Variants in PLIN4 observed in about 807,000 individuals in gnomAD.
PLIN4 encodes perilipin 4.
In PLIN4, 57 loss-of-function variants were observed where a neutral mutation model predicts 52.4. That is an observed-to-expected ratio of 1.09 (90% CI 0.88 to 1.36). The LOEUF is 1.36. Ranked by LOEUF, PLIN4 falls within the 40% of genes most tolerant of loss-of-function variation. PLIN4 has a pLI of 0.00. For missense variants in PLIN4, 1,757 were observed against 1,770.3 expected, an observed-to-expected ratio of 0.99 and a Z score of 0.13; for synonymous variants, 826 against 785.4, an observed-to-expected ratio of 1.05 and a Z score of -0.86.
rs1392077683 is a variant in PLIN4, at chr19:4,504,511, G to A, written c.4064C>T (p.Pro1355Leu). ...GGGCCCTACCAGCCAGCTGAGCGGG[G>A]GATTGTGCTGTAGGCCCTCCAGCAG... ...EQLLEGLQHN[P>L]PLSWLVGPFA... Residue 1355 changes from proline (P) to leucine (L), a missense_variant, in exon 8 of 8, where the codon CCC becomes CTC. Physicochemically the swap from Pro to Leu is moderately conservative, Grantham distance 98 (BLOSUM62 -3). Coordinates refer to ENST00000301286, the MANE Select transcript of PLIN4 (RefSeq NM_001367868.2). 1.9e-6 allele frequency: 3 copies of A among 1,602,320 alleles called. No homozygotes were observed. The highest frequency in any genetic ancestry group is 1.7e-5 in the Admixed American group (1 of 59,650).
intron 4 of PLIN4, 35 bp from the exon 5 acceptor site, chr19:4,513,736 G>A: frequency 6.5e-7 from 1 of 1,540,096 alleles, no homozygotes; most frequent in East Asian, 2.3e-5. Flanking sequence ...TCAAGAGAAG[G>A]ACTGAGAGGT....
At chr19:4,513,836 A>G (rs746050262) in intron 4 of PLIN4, 135 bp from the exon 5 acceptor site, 17 of 1,159,758 alleles carry the variant, frequency 1.5e-5, no homozygotes, top group Non-Finnish European at 1.9e-5. Flanking sequence ...CTCCTCAAAA[A>G]GCAAGCTGCT....
chr19:4,518,343 A>C, intron 1 of PLIN4, 42 bp downstream of exon 1: 1 of 1,230,954 alleles, frequency 8.1e-7, no homozygotes, highest in Non-Finnish European at 1.0e-6. Context: ...CTCCCATCCC[A>C]CACCCACTCC....
intron 1 of PLIN4, 38 bp from the exon 2 acceptor site, chr19:4,518,327 C>T (rs1976645272): frequency 8.1e-7 from 1 of 1,231,856 alleles, no homozygotes; most frequent in Non-Finnish European, 1.0e-6. Context: ...ATGGGGGTTC[C>T]CTAGCCTCCC....
At position 4,511,462 on chromosome 19, in the gene PLIN4, C is replaced by CCAA. The variant is rs1976336207; in HGVS notation, c.2497_2498insTTG (p.Cys833delinsPheGly). On this transcript the variant is annotated protein_altering_variant, in exon 5 of 8. Transcript: ENST00000301286. ...GTTCGCAGCACCGGTGACCCCACTG[C>CCAA]AGACAGTGTCCTTGGTACCGGTCAG... The CCAA allele has an allele frequency of 7.2e-7, 1 of 1,381,810 alleles. No homozygotes were observed. The highest frequency in any genetic ancestry group is 3.1e-5 in the African/African-American group (1 of 32,124). The allele number at this position is 1,381,810 out of a possible 1,614,324, so 85.6% of individuals were successfully genotyped here.
At position 4,504,709 on chromosome 19, in the gene PLIN4, GAGACC is replaced by G; in HGVS notation, c.3861_3865del (p.Val1288GlnfsTer22). On this transcript the variant is annotated frameshift_variant, in exon 8 of 8. Coordinates refer to ENST00000301286, the MANE Select transcript of PLIN4 (RefSeq NM_001367868.2). LOFTEE classifies it low-confidence loss of function (END_TRUNC). ...CTCGGCGGGCAGGCCCTGGAGGCTG[GAGACC>G]AGGCCACTGTAGGCCGTGTGCAGCT... 6.2e-7 allele frequency: 1 copy of G among 1,601,834 alleles called. No individual in the cohort carries two copies. Among genetic ancestry groups the G allele is most frequent in the South Asian group, 1.1e-5 (1 of 90,382 alleles).
chr19:4,507,582 G>A (rs1976132441), intron 6 of PLIN4, among the ~76,000 whole-genome samples: 1 of 152,098 alleles, frequency 6.6e-6, no homozygotes, highest in Non-Finnish European at 1.5e-5. Flanking sequence ...CCAGCTGCTT[G>A]GGAGGCTGAG....
chr19:4,505,905 T>C (rs1976078354), intron 6 of PLIN4, among the ~76,000 whole-genome samples: 1 of 151,244 alleles, frequency 6.6e-6, no homozygotes, highest in South Asian at 2.1e-4. Context: ...CTGCTCTCCT[T>C]GTCTGCTCAG....
chr19:4,512,657 T>C lies in PLIN4; in HGVS notation c.1303A>G (p.Thr435Ala), dbSNP rs55901236. 834,814 of 1,569,058 alleles carry C rather than the reference T, an allele frequency of 0.53. 260,098 individuals carry two copies. The highest frequency in any genetic ancestry group is 0.69 in the East Asian group (30,913 of 44,602). Residue 435 changes from threonine (T) to alanine (A), a missense_variant, in exon 5 of 8, where the codon ACC (threonine) becomes GCC (alanine). Physicochemically the swap from Thr to Ala is moderately conservative, Grantham distance 58 (BLOSUM62 0). Transcript: ENST00000301286. ...TQNIATGTKD[T>A]VCSGVTGAMN... ...GCACCAGTCACCCCACTGCAGACGG[T>C]GTCCTTTGTACCTGTTGCGATATTT...
In PLIN4 at chr19:4,513,651, C is replaced by T. The variant is rs1391877669; in HGVS notation, c.309G>A (p.Lys103=). Residue 103 remains lysine (K), a synonymous_variant, in exon 5 of 8, where the codon AAG becomes AAA. Coordinates refer to ENST00000301286, the MANE Select transcript of PLIN4 (RefSeq NM_001367868.2). Reference sequence around the variant, plus strand: ...TGGCCACCCCGGAGGACACGGCATCCTTGGCCCTGGACATCTTGGAACACA... The same window carrying T: ...TGGCCACCCCGGAGGACACGGCATCTTTGGCCCTGGACATCTTGGAACACA... ...DLVCSKMSRA[K]DAVSSGVASV... 1 of 1,606,508 alleles carries T rather than the reference C, an allele frequency of 6.2e-7. No homozygotes were observed. Among genetic ancestry groups the T allele is most frequent in the Non-Finnish European group, 8.5e-7 (1 of 1,176,420 alleles).
Position 4,511,859 on chromosome 19 carries a change from T to C in PLIN4, c.2101A>G (p.Thr701Ala). 6.2e-7 allele frequency: 1 copy of C among 1,608,340 alleles called. No homozygotes were observed. The highest frequency in any genetic ancestry group is 8.5e-7 in the Non-Finnish European group (1 of 1,176,294). The change falls in exon 5 of 8, where the codon ACT becomes GCT. Residue 701 changes from threonine (T) to alanine (A), a missense_variant. Physicochemically the swap from Thr to Ala is moderately conservative, Grantham distance 58. This residue lies in a region of PLIN4 where 96 missense variants were observed against 136.5 expected (regional missense o/e 0.70). Coordinates refer to ENST00000301286, the MANE Select transcript of PLIN4 (RefSeq NM_001367868.2). ...TVLTGTKDTV[T>A]TGLMGAVNVA... The stretch of plus-strand genomic sequence containing the variant: ...TTCACTGCCCCCATGAGCCCAGTAG[T>C]GACTGTGTCCTTGGTGCCGGTCAGC...
rs1441149758 is a variant in PLIN4 at position 4,504,857 on chromosome 19, C to T, written c.3789+4G>A. 1 of 1,605,360 alleles carries T rather than the reference C, an allele frequency of 6.2e-7. No individual in the cohort carries two copies. Among genetic ancestry groups the T allele is most frequent in the Non-Finnish European group, 8.5e-7 (1 of 1,176,914 alleles). On this transcript the variant is annotated splice_donor_region_variant and intron_variant, in intron 7 of 7. Coordinates refer to ENST00000301286, the MANE Select transcript of PLIN4 (RefSeq NM_001367868.2). ...GGGGGACCCTAGCCCTGTGCCAGAC[C>T]CACCTCCTGGACAGCAGCGTCCTCC...
At chr19:4,510,105 C>T (rs1405358648) in intron 5 of PLIN4, among the ~76,000 whole-genome samples, 3 of 152,052 alleles carry the variant, frequency 2.0e-5, no homozygotes, top group South Asian at 4.2e-4. Context: ...TGGTGGCTCA[C>T]GCCTGCAATC....
rs1568234317 is a variant in PLIN4, at chr19:4,512,662, T to C, written c.1298A>G (p.Lys433Arg). The change falls in exon 5 of 8, where the codon AAG becomes AGG. Residue 433 changes from lysine to arginine, a missense_variant. Physicochemically the swap from Lys to Arg is conservative, Grantham distance 26. Around this residue, in one of 7 missense-constraint regions of PLIN4, gnomAD observed 439 missense variants for 406.4 expected, o/e 1.08. Coordinates refer to ENST00000301286, the MANE Select transcript of PLIN4 (RefSeq NM_001367868.2). Reference protein sequence around the residue: ...NTTQNIATGTKDTVCSGVTGA... With the variant: ...NTTQNIATGTRDTVCSGVTGA... Reference sequence around the variant, plus strand: ...AGTCACCCCACTGCAGACGGTGTCCTTTGTACCTGTTGCGATATTTTGGGT... The same window carrying C: ...AGTCACCCCACTGCAGACGGTGTCCCTTGTACCTGTTGCGATATTTTGGGT... 5 of 1,561,908 alleles carry C rather than the reference T, an allele frequency of 3.2e-6. 2 individuals are homozygous for C. Among genetic ancestry groups the C allele is most frequent in the Middle Eastern group, 3.4e-4 (2 of 5,878 alleles).
At position 4,513,326 on chromosome 19, in the gene PLIN4, C is replaced by A; in HGVS notation, c.634G>T (p.Ala212Ser). The A allele has an allele frequency of 1.2e-6, 2 of 1,613,636 alleles. No individual in the cohort carries two copies. Among genetic ancestry groups the A allele is most frequent in the Non-Finnish European group, 1.7e-6 (2 of 1,179,860 alleles). ...KDTVTTGVMG[A>S]VNLAKGTVQT... is the part of the protein sequence containing the mutation. ...ACAGTCCCTTTGGCCAAGTTCACTGCCCCCATGACCCCAGTAGTCACTGTG... is the reference window on the plus strand; with the variant it reads ...ACAGTCCCTTTGGCCAAGTTCACTGACCCCATGACCCCAGTAGTCACTGTG... The change falls in exon 5 of 8, where the codon GCA becomes TCA. Residue 212 changes from alanine (A) to serine (S), a missense_variant. By Grantham distance (99) the Ala-to-Ser change is moderately conservative. This residue lies in a region of PLIN4 where 332 missense variants were observed against 310.8 expected (regional missense o/e 1.07). Coordinates refer to ENST00000301286, the MANE Select transcript of PLIN4 (RefSeq NM_001367868.2).
chr19:4,517,683 A>AT lies in PLIN4; in HGVS notation c.66_67insA (p.Phe23IlefsTer19), dbSNP rs1232632214. On this transcript the variant is annotated frameshift_variant, in exon 3 of 8. Coordinates refer to ENST00000301286, the MANE Select transcript of PLIN4 (RefSeq NM_001367868.2). LOFTEE classifies it high-confidence loss of function. ...GAGCTGAAGCCAGGCAGGGACCCAA[A>AT]GAAGCTGCCCAGGGTCTGCATGGGG... 3 of 1,596,194 alleles carry AT rather than the reference A, an allele frequency of 1.9e-6. No homozygotes were observed. In the Admixed American group the frequency reaches 5.2e-5, roughly 28 times the overall value.
At chr19:4,506,096 G>A (rs556335896) in intron 6 of PLIN4, among the ~76,000 whole-genome samples, 21 of 151,994 alleles carry the variant, frequency 1.4e-4, no homozygotes, top group African/African-American at 4.8e-4. Context: ...GCCCCCACCC[G>A]GTGGCCTGAC....
In PLIN4 at chr19:4,511,229, C is replaced by G. The variant is rs761005531; in HGVS notation, c.2731G>C (p.Gly911Arg). ...GTGTCCACGCCGGTCTGGACAGTCC[C>G]TTTGGCCAAGTTCACAGCCCCTGTG... is the stretch of plus-strand genomic sequence containing the variant. ...GLTGAVNLAK[G>R]TVQTGVDTSK... is the part of the protein sequence containing the mutation. The change falls in exon 5 of 8, where the codon GGG becomes CGG. Residue 911 changes from glycine (G) to arginine (R), a missense_variant. Gly to Arg is a moderately radical substitution (Grantham distance 125). Coordinates refer to ENST00000301286, the MANE Select transcript of PLIN4 (RefSeq NM_001367868.2). The G allele has an allele frequency of 1.9e-6, 3 of 1,611,418 alleles. No individual in the cohort carries two copies. The highest frequency in any genetic ancestry group is 2.5e-6 in the Non-Finnish European group (3 of 1,178,268).
intron 6 of PLIN4, among the ~76,000 whole-genome samples, chr19:4,505,673 CTCA>C (rs984064844): frequency 2.5e-4 from 38 of 152,164 alleles, no homozygotes; most frequent in African/African-American, 9.2e-4. Context: ...CCCCATCTTC[CTCA>C]TCATCTCAAT....
Sources: gnomAD v4.1 joint callset for allele counts (sites outside exome capture counted in the v4.1 genomes callset) on GRCh38, gnomAD v4.1.1 for gene constraint, gnomAD v4.1.1 regional missense constraint, MANE v1.5 for transcripts, NCBI Gene and HGNC (gene_info 2026-07-23, HGNC 2026-07-21) for gene names.